Variants in CAD observed in about 807,000 individuals in gnomAD.
CAD encodes the protein carbamoyl-phosphate synthetase 2, aspartate transcarbamylase, and dihydroorotase.
CAD carries 81 observed loss-of-function variants against 237.2 expected under a neutral mutation model. The observed-to-expected ratio is 0.34, with a 90% CI of 0.29 to 0.41. CAD has a LOEUF of 0.41. CAD is among the 10% of genes least tolerant of loss of function. The probability of loss-of-function intolerance (pLI) is 1.00; values close to 1 mark genes in which losing one functional copy is unlikely to be tolerated. For missense variants in CAD, 2,181 were observed against 2,951.7 expected (o/e 0.74, Z 6.05); for synonymous variants, 1,196 against 1,162.8 (o/e 1.03, Z -0.58).
Position 27,237,924 on chromosome 2 carries a change from T to C in CAD, c.4728+42T>C. The C allele has an allele frequency of 6.3e-7, 1 of 1,580,136 alleles. No homozygotes were observed. ...TGGCAGGAGGCCACCACCCAGTGTC[T>C]CCTGGCTTGTGGGCCCCTGCCTAAG... On this transcript the variant is annotated intron_variant, in intron 29 of 43. Transcript: ENST00000264705. This position sits in a 1 kb window ranked among gnomAD's most constrained non-coding sequence, Gnocchi z 4.0.
At chr2:27,225,523 C>A (rs923194124) in intron 11 of CAD, among the ~76,000 whole-genome samples, 182 bp from the exon 12 acceptor site, 3 of 149,326 alleles carry the variant, frequency 2.0e-5, no homozygotes. Context: ...TCAGGCTGAT[C>A]TCGAACTCCT....
chr2:27,219,963 T>C (rs1395914300), intron 2 of CAD, among the ~76,000 whole-genome samples: 1 of 152,180 alleles, frequency 6.6e-6, no homozygotes, highest in Non-Finnish European at 1.5e-5. Context: ...TTGTTTTTTA[T>C]TTGGTAATGG....
intron 6 of CAD, 116 bp from the exon 7 acceptor site, chr2:27,223,441 AAAAAAC>A: frequency 4.1e-6 from 4 of 970,336 alleles, no homozygotes; most frequent in African/African-American, 3.3e-5. Flanking sequence ...AAAAAAAAAA[AAAAAAC>A]AAAAAGGAAA....
In CAD at chr2:27,235,336, A is replaced by T; in HGVS notation, c.3878A>T (p.Glu1293Val). 6.2e-7 allele frequency: 1 copy of T among 1,613,948 alleles called. No individual in the cohort carries two copies. The highest frequency in any genetic ancestry group is 8.5e-7 in the Non-Finnish European group (1 of 1,180,000). The change falls in exon 24 of 44, where the codon GAG becomes GTG. Residue 1293 changes from glutamate to valine, a missense_variant. By Grantham distance (121) the Glu-to-Val change is moderately radical. Coordinates refer to ENST00000264705, the MANE Select transcript of CAD (RefSeq NM_004341.5). This position sits in a 1 kb window ranked among gnomAD's most constrained non-coding sequence, Gnocchi z 5.2. ...TSTGEVAGFG[E>V]SRCEAYLKAM... The stretch of plus-strand genomic sequence containing the variant: ...ACTGGGGAGGTGGCCGGCTTTGGGG[A>T]GAGCCGCTGTGAGGCATACCTCAAG...
Position 27,242,524 on chromosome 2 carries a change from G to C in CAD, c.6223-96G>C. ...CGGTACAGGACAGCTGCATCAAGGA[G>C]GCCTTCATTCTGCTCCAGAGGCTTT... On this transcript the variant is annotated intron_variant, in intron 40 of 43. Transcript: ENST00000264705. This position sits in a 1 kb window ranked among gnomAD's most constrained non-coding sequence, Gnocchi z 6.4. The C allele has an allele frequency of 3.2e-6, 5 of 1,558,442 alleles. No individual in the cohort carries two copies. Among genetic ancestry groups the C allele is most frequent in the Non-Finnish European group, 3.5e-6 (4 of 1,145,932 alleles).
At position 27,240,351 on chromosome 2, in the gene CAD, A is replaced by G. The variant is rs986839646; in HGVS notation, c.5583A>G (p.Pro1861=). Residue 1861 remains proline (P), a synonymous_variant, in exon 35 of 44, where the codon CCA becomes CCG. Coordinates refer to ENST00000264705, the MANE Select transcript of CAD (RefSeq NM_004341.5). This position sits in a 1 kb window ranked among gnomAD's most constrained non-coding sequence, Gnocchi z 4.6. ...LPPRIHRASD[P]GLPAEEPKEK... ...CCCGAATCCATCGAGCCTCCGACCC[A>G]GGTTTGCCAGGTAAGAGTGGGGTTC... 6.2e-7 allele frequency: 1 copy of G among 1,613,968 alleles called. No individual in the cohort carries two copies. The highest frequency in any genetic ancestry group is 1.6e-4 in the Middle Eastern group (1 of 6,062).
Position 27,226,211 on chromosome 2 carries a change from T to G in CAD, c.1923T>G (p.Asn641Lys), listed in dbSNP as rs1457134856. 6.2e-7 allele frequency: 1 copy of G among 1,614,162 alleles called. No homozygotes were observed. Among genetic ancestry groups the G allele is most frequent in the Non-Finnish European group, 8.5e-7 (1 of 1,179,960 alleles). The change falls in exon 13 of 44, where the codon AAT becomes AAG. Residue 641 changes from asparagine to lysine, a missense_variant. Asn to Lys is a moderately conservative substitution (Grantham distance 94). This residue lies in a region of CAD where 385 missense variants were observed against 535.1 expected (regional missense o/e 0.72). Coordinates refer to ENST00000264705, the MANE Select transcript of CAD (RefSeq NM_004341.5). ...TGGTGGCCCCTAGCCAGACACTGAA[T>G]GACAGGGAGTATCAGCTCCTGAGGC... ...SIVVAPSQTL[N>K]DREYQLLRQT...
In CAD at chr2:27,240,102, G is replaced by A. The variant is rs1011589830; in HGVS notation, c.5497-163G>A. On this transcript the variant is annotated intron_variant, in intron 34 of 43. Coordinates refer to ENST00000264705, the MANE Select transcript of CAD (RefSeq NM_004341.5). The surrounding 1 kb of genome is among the most constrained non-coding windows in gnomAD (Gnocchi z 4.6). ...CTAAAAATAAAAAAATTAGCCAGGC[G>A]TGGTGGTGCACATCTGTAATCCCAG... The A allele has an allele frequency of 2.8e-5, 19 of 669,228 alleles. No homozygotes were observed. The highest frequency in any genetic ancestry group is 3.6e-5 in the African/African-American group (2 of 55,308). 41.5% of individuals were successfully genotyped at this position (669,228 alleles called of 1,614,324 possible).
At chr2:27,231,258 A>C (rs1675738109) in intron 15 of CAD, among the ~76,000 whole-genome samples, 1 of 152,300 alleles carries the variant, frequency 6.6e-6, no homozygotes, top group African/African-American at 2.4e-5. Context: ...CTTCCGCCTC[A>C]GCCTCCCAAA....
At chr2:27,223,085 G>A (rs1675256333) in intron 6 of CAD, 48 bp downstream of exon 6, 1 of 1,580,676 alleles carries the variant, frequency 6.3e-7, no homozygotes, top group East Asian at 2.2e-5. Context: ...GGCATGAGGG[G>A]TGGGGTGTCT....
chr2:27,221,081 T>C (rs1204747877), intron 2 of CAD, 137 bp from the exon 3 acceptor site: 3 of 566,718 alleles, frequency 5.3e-6, no homozygotes, highest in Non-Finnish European at 8.5e-6. Context: ...GAAATACCTA[T>C]GCAAAAGCAC....
chr2:27,223,122 A>G lies in CAD; in HGVS notation c.809+85A>G. On this transcript the variant is annotated intron_variant, in intron 6 of 43. Coordinates refer to ENST00000264705, the MANE Select transcript of CAD (RefSeq NM_004341.5). ...AGGAATGAGAAGAGAGTTGGTGTTT[A>G]TTCGTGTTGAAATAGGAGCGGGGGG... is the stretch of plus-strand genomic sequence containing the variant. 5 of 1,434,708 alleles carry G rather than the reference A, an allele frequency of 3.5e-6. No individual in the cohort carries two copies. The South Asian group carries it at 6.0e-5, about 17-fold the overall frequency. 88.9% of individuals were successfully genotyped at this position (1,434,708 alleles called of 1,614,324 possible). A position where few individuals can be genotyped will look rare whatever the true frequency, so the allele number is the denominator to read the frequency against.
At position 27,226,813 on chromosome 2, in the gene CAD, C is replaced by T; in HGVS notation, c.2157-19C>T. 6.2e-7 allele frequency: 1 copy of T among 1,613,748 alleles called. No homozygotes were observed. Among genetic ancestry groups the T allele is most frequent in the Non-Finnish European group, 8.5e-7 (1 of 1,179,720 alleles). ...GCTTCCTTCACTGTCCTTCTGGCAT[C>T]CCACCTGCTGGACCCCAGGAACTCT... On this transcript the variant is annotated intron_variant, in intron 14 of 43. Transcript: ENST00000264705.
chr2:27,239,780 C>A lies in CAD; in HGVS notation c.5478C>A (p.Ala1826=). ...CTCAGCTCCCACCCTCAGCCCCTGC[C>A]ACTAGTGAGATGACCACGGTATCCA... The part of the protein sequence containing the change: ...AVPQLPPSAP[A]TSEMTTTPER... Residue 1826 remains alanine (A), a synonymous_variant, in exon 34 of 44, where the codon GCC becomes GCA. Coordinates refer to ENST00000264705, the MANE Select transcript of CAD (RefSeq NM_004341.5). This position sits in a 1 kb window ranked among gnomAD's most constrained non-coding sequence, Gnocchi z 4.0. The A allele has an allele frequency of 6.4e-7, 1 of 1,568,812 alleles. No individual in the cohort carries two copies. Among genetic ancestry groups the A allele is most frequent in the Non-Finnish European group, 8.6e-7 (1 of 1,156,908 alleles).
rs1364999245 is a variant in CAD at position 27,243,925 on chromosome 2, C to T, written c.*407C>T. The T allele has an allele frequency of 1.0e-5, 2 of 191,096 alleles. No individual in the cohort carries two copies. Among genetic ancestry groups the T allele is most frequent in the Non-Finnish European group, 2.2e-5 (2 of 91,374 alleles). 11.8% of individuals were successfully genotyped at this position (191,096 alleles called of 1,614,324 possible). A position where few individuals can be genotyped will look rare whatever the true frequency, so the allele number is the denominator to read the frequency against. On this transcript the variant is annotated 3_prime_UTR_variant, in exon 44 of 44. Transcript: ENST00000264705. ...TTTTCACACTCGTGACTCTTTGGGA[C>T]TCGGCAGGAGCGTGTTAACTCTGTG...
Position 27,225,753 on chromosome 2 carries a change from G to A in CAD, c.1669G>A (p.Ala557Thr). The A allele has an allele frequency of 6.2e-7, 1 of 1,614,234 alleles. No homozygotes were observed. The highest frequency in any genetic ancestry group is 8.5e-7 in the Non-Finnish European group (1 of 1,180,046). ...RLGYPVLVRA[A>T]FALGGLGSGF... ...GGGGTACCCTGTGCTAGTGCGTGCA[G>A]CCTTTGCCCTGGGTGGCCTGGGCTC... Residue 557 changes from alanine to threonine, a missense_variant, in exon 12 of 44, where the codon GCC becomes ACC. Around this residue, in one of 12 missense-constraint regions of CAD, gnomAD observed 174 missense variants for 215.8 expected, o/e 0.81. Coordinates refer to ENST00000264705, the MANE Select transcript of CAD (RefSeq NM_004341.5).
At position 27,235,659 on chromosome 2, in the gene CAD, C is replaced by T; in HGVS notation, c.4074+19C>T. 6.2e-7 allele frequency: 1 copy of T among 1,600,974 alleles called. No individual in the cohort carries two copies. Among genetic ancestry groups the T allele is most frequent in the Non-Finnish European group, 8.6e-7 (1 of 1,168,264 alleles). ...CGTCAAGGTGCAGGAACTCTGGCAACCTACCCCACTGCTGCCCTTCCCCAA... is the reference window on the plus strand; with the variant it reads ...CGTCAAGGTGCAGGAACTCTGGCAATCTACCCCACTGCTGCCCTTCCCCAA... On this transcript the variant is annotated intron_variant, in intron 25 of 43. Transcript: ENST00000264705. The surrounding 1 kb of genome is among the most constrained non-coding windows in gnomAD (Gnocchi z 5.2).
Position 27,242,290 on chromosome 2 carries a change from C to A in CAD, c.6097-12C>A. 1.2e-6 allele frequency: 2 copies of A among 1,604,070 alleles called. No homozygotes were observed. Among genetic ancestry groups the A allele is most frequent in the Non-Finnish European group, 8.5e-7 (1 of 1,172,892 alleles). On this transcript the variant is annotated splice_polypyrimidine_tract_variant and intron_variant, in intron 39 of 43. Transcript: ENST00000264705. The surrounding 1 kb of genome is among the most constrained non-coding windows in gnomAD (Gnocchi z 6.4). Reference sequence around the variant, plus strand: ...TGAGCTGCAAAAGACAGGATTTTCCCCTTTTTTCCAGCTGGCCGCCAAGCA... The same window carrying A: ...TGAGCTGCAAAAGACAGGATTTTCCACTTTTTTCCAGCTGGCCGCCAAGCA...
chr2:27,234,080 G>A lies in CAD; in HGVS notation c.3472G>A (p.Ala1158Thr). The change falls in exon 22 of 44, where the codon GCA becomes ACA. Residue 1158 changes from alanine to threonine, a missense_variant. Physicochemically the swap from Ala to Thr is moderately conservative, Grantham distance 58. Transcript: ENST00000264705. ...CGCCATCTCTGAGCATGTGGAGAAT[G>A]CAGGTGTGCATTCAGGTGATGCGAC... ...AIAISEHVEN[A>T]GVHSGDATLV... 1 of 1,614,186 alleles carries A rather than the reference G, an allele frequency of 6.2e-7. No homozygotes were observed. The highest frequency in any genetic ancestry group is 8.5e-7 in the Non-Finnish European group (1 of 1,180,032).
Sources: gnomAD v4.1 joint callset for allele counts (sites outside exome capture counted in the v4.1 genomes callset) on GRCh38, gnomAD v4.1.1 for gene constraint, gnomAD v4.1.1 regional missense constraint, Gnocchi (gnomAD v3.1) non-coding constraint, MANE v1.5 for transcripts, NCBI Gene and HGNC (gene_info 2026-07-23, HGNC 2026-07-21) for gene names.